Variants in RREB1 observed in about 807,000 individuals in gnomAD.
The protein encoded by RREB1 is ras responsive element binding protein 1.
A neutral mutation model predicts 117.8 loss-of-function variants in RREB1; 27 were observed. That is an observed-to-expected ratio of 0.23 (90% CI 0.17 to 0.32). RREB1 has a LOEUF of 0.32. Among genes scored for constraint, RREB1 ranks in the 10% least tolerant of loss-of-function variants. RREB1 has a pLI of 1.00. For synonymous variants in RREB1, 1,298 were observed against 1,026.7 expected (o/e 1.26, Z -5.05); for missense variants, 2,577 against 2,378.2 (o/e 1.08, Z -1.74).
chr6:7,234,304 CT>C (rs973810479), intron 10 of RREB1, among the ~76,000 whole-genome samples: 20 of 152,184 alleles, frequency 1.3e-4, no homozygotes, highest in Non-Finnish European at 1.5e-5. Flanking sequence ...TCTGTTACCA[CT>C]TTTCAGAAAG....
intron 1 of RREB1, among the ~76,000 whole-genome samples, chr6:7,149,112 G>C (rs189161926): frequency 1.1e-4 from 16 of 152,032 alleles, no homozygotes; most frequent in South Asian, 2.1e-4. Context: ...TAGTAGAGTC[G>C]GGGTTTCACC....
chr6:7,204,547 C>G lies in RREB1; in HGVS notation c.426-6257C>G, dbSNP rs1040352296. 2.6e-5 allele frequency among the ~76,000 whole-genome samples: 4 copies of G among 152,116 alleles called. No homozygotes were observed. The East Asian group carries it at 7.7e-4, about 29-fold the overall frequency. ...CAAAGCTTTGTTGGACAAAAAAAAGCGAGCACCAGGTACGGATGGGGATGT... is the reference window on the plus strand; with the variant it reads ...CAAAGCTTTGTTGGACAAAAAAAAGGGAGCACCAGGTACGGATGGGGATGT... On this transcript the variant is annotated intron_variant, in intron 6 of 12. Transcript: ENST00000379938.
In RREB1 at chr6:7,211,322, GGATGGATGGATGGACA is replaced by G. The variant is rs1344109010; in HGVS notation, c.571-236_571-221del. Among the ~76,000 whole-genome samples the G allele has an allele frequency of 1.1e-3, 152 of 142,700 alleles. 2 individuals are homozygous for G. Among genetic ancestry groups the G allele is most frequent in the African/African-American group, 3.8e-3 (148 of 38,886 alleles). 93.6% of individuals were successfully genotyped at this position (142,700 alleles called of 152,430 possible). ...TTGTCAGGTGGGTGGGAGGGTGGGT[GGATGGATGGATGGACA>G]GATGGATGGATGGATGGATGGATGG... On this transcript the variant is annotated intron_variant, in intron 7 of 12. Transcript: ENST00000379938.
chr6:7,248,898 G>A lies in RREB1; in HGVS notation c.5159G>A (p.Arg1720His), dbSNP rs748764341. The A allele has an allele frequency of 2.2e-5, 35 of 1,561,954 alleles. No individual in the cohort carries two copies. The highest frequency in any genetic ancestry group is 4.7e-5 in the East Asian group (2 of 42,188). The change falls in exon 13 of 13, where the codon CGC becomes CAC. Residue 1720 changes from arginine to histidine, a missense_variant. Coordinates refer to ENST00000379938, the MANE Select transcript of RREB1 (RefSeq NM_001003699.4). The stretch of plus-strand genomic sequence containing the variant: ...CTGGGGCAGGACCTGCTGGAGCCGC[G>A]CAGCAAGAGGCCTGCCCACCCAATC... ...AALGQDLLEP[R>H]SKRPAHPILA... is the part of the protein sequence containing the mutation.
chr6:7,242,861 G>A (rs925809483), intron 11 of RREB1, among the ~76,000 whole-genome samples: 5 of 152,164 alleles, frequency 3.3e-5, no homozygotes, highest in Non-Finnish European at 1.5e-5. Flanking sequence ...AAATGCCACA[G>A]TGGGGGCAGT....
chr6:7,111,528 TA>T (rs1311738311), intron 1 of RREB1, among the ~76,000 whole-genome samples: 1 of 152,192 alleles, frequency 6.6e-6, no homozygotes, highest in East Asian at 1.9e-4. Flanking sequence ...GCTAAGCAGC[TA>T]AACAGAAGGA....
intron 1 of RREB1, among the ~76,000 whole-genome samples, chr6:7,175,296 C>G (rs913556104): frequency 1.4e-5 from 2 of 142,884 alleles, no homozygotes; most frequent in Non-Finnish European, 3.0e-5. Flanking sequence ...GGGTGGGTTT[C>G]TAGGGTCCCT....
At position 7,251,591 on chromosome 6, in the gene RREB1, G is replaced by A. The variant is rs1253644112; in HGVS notation, c.*2623G>A. On this transcript the variant is annotated 3_prime_UTR_variant, in exon 13 of 13. Transcript: ENST00000379938. ...CTGTGAAAACAAAACAACCCAGAGG[G>A]CTGTGTTCCAAGCAGCGCTGGGGAA... 2 of 151,288 alleles carry A rather than the reference G, an allele frequency of 1.3e-5. No individual in the cohort carries two copies. The highest frequency in any genetic ancestry group is 4.9e-5 in the African/African-American group (2 of 41,008). The allele number at this position is 151,288 out of a possible 1,614,324, so 9.4% of individuals were successfully genotyped here.
intron 10 of RREB1, among the ~76,000 whole-genome samples, chr6:7,236,188 A>G (rs1384190803): frequency 1.3e-5 from 2 of 152,196 alleles, no homozygotes; most frequent in Non-Finnish European, 2.9e-5. Flanking sequence ...GTGCCAGGAA[A>G]CACAGCCAGT....
chr6:7,226,720 T>C, intron 9 of RREB1, 64 bp downstream of exon 9: 1 of 1,268,008 alleles, frequency 7.9e-7, no homozygotes, highest in Non-Finnish European at 1.1e-6. Flanking sequence ...AGTTAGACCA[T>C]GGGAACTTCC....
chr6:7,153,913 C>G (rs1763242782), intron 1 of RREB1, among the ~76,000 whole-genome samples: 1 of 152,190 alleles, frequency 6.6e-6, no homozygotes, highest in South Asian at 2.1e-4. Flanking sequence ...TGTCATTACA[C>G]ATGCTTCCAG....
At chr6:7,195,053 C>A (rs1039483643) in intron 6 of RREB1, among the ~76,000 whole-genome samples, 2 of 152,210 alleles carry the variant, frequency 1.3e-5, no homozygotes, top group African/African-American at 4.8e-5. Context: ...GTAATGGTTA[C>A]TACTCTTTTA....
chr6:7,153,105 GTT>G lies in RREB1; in HGVS notation c.-284-23530_-284-23529del, dbSNP rs369606887. Among the ~76,000 whole-genome samples the G allele has an allele frequency of 6.6e-3, 695 of 105,004 alleles. 3 individuals carry two copies. The highest frequency in any genetic ancestry group is 0.023 in the African/African-American group (637 of 27,882). 68.9% of individuals were successfully genotyped at this position (105,004 alleles called of 152,430 possible). On this transcript the variant is annotated intron_variant, in intron 1 of 12. Transcript: ENST00000379938. The stretch of plus-strand genomic sequence containing the variant: ...AGGAGGTATTAATCTTTGTGAGAGG[GTT>G]TTTTTTTTTTTTTTTTTTTGAGGAA...
chr6:7,164,154 T>TA (rs1402575830), intron 1 of RREB1, among the ~76,000 whole-genome samples: 1 of 152,148 alleles, frequency 6.6e-6, no homozygotes, highest in African/African-American at 2.4e-5. Flanking sequence ...AAAAAGATCC[T>TA]AAAAAATACT....
chr6:7,143,005 G>A (rs931386462), intron 1 of RREB1, among the ~76,000 whole-genome samples: 6 of 152,194 alleles, frequency 3.9e-5, no homozygotes, highest in African/African-American at 1.2e-4. Flanking sequence ...TCAAAACTGC[G>A]TTAGAAACAG....
intron 1 of RREB1, among the ~76,000 whole-genome samples, chr6:7,126,226 T>G (rs1761912060): frequency 6.6e-6 from 1 of 152,152 alleles, no homozygotes; most frequent in Non-Finnish European, 1.5e-5. Flanking sequence ...GGCCTTGAAC[T>G]GCTGACCTCG....
At chr6:7,109,620 C>G (rs948446533) in intron 1 of RREB1, among the ~76,000 whole-genome samples, 2 of 152,226 alleles carry the variant, frequency 1.3e-5, no homozygotes, top group African/African-American at 2.4e-5. Flanking sequence ...GCCGTGCATC[C>G]GTGATGGGTT....
At chr6:7,214,690 C>T (rs7751058) in intron 8 of RREB1, 80,449 of 151,942 alleles carry the variant, frequency 0.53, 22,480 homozygotes, top group East Asian at 0.8. Flanking sequence ...AAAATAGACA[C>T]CAGCTCCATT....
chr6:7,193,209 T>G (rs1765499995), intron 6 of RREB1, among the ~76,000 whole-genome samples: 1 of 152,262 alleles, frequency 6.6e-6, no homozygotes, highest in Admixed American at 6.5e-5. Flanking sequence ...TTTGCATGAT[T>G]TCAAACTTTG....
Sources: allele counts gnomAD v4.1 joint callset (sites outside exome capture counted in the v4.1 genomes callset), GRCh38; gene constraint gnomAD v4.1.1; transcripts MANE v1.5; gene names NCBI Gene and HGNC (gene_info 2026-07-23, HGNC 2026-07-21).